The following ZSCAN20 variants were observed in gnomAD, a reference collection of about 807,000 sequenced individuals.
The protein encoded by ZSCAN20 is zinc finger and SCAN domain-containing protein 20.
Under a neutral mutation model 97.1 loss-of-function variants are expected in ZSCAN20, and 39 were observed. That is an observed-to-expected ratio of 0.40 (90% CI 0.31 to 0.52). The LOEUF (loss-of-function observed/expected upper bound fraction) is 0.52. ZSCAN20 is among the 20% of genes least tolerant of loss of function. The pLI is 0.49. For missense variants in ZSCAN20, 1,115 were observed against 1,290.4 expected, an observed-to-expected ratio of 0.86 and a Z score of 2.08; for synonymous variants, 456 against 467.3, an observed-to-expected ratio of 0.98 and a Z score of 0.31.
Position 33,495,514 on chromosome 1 carries a change from A to G in ZSCAN20, c.*38A>G, listed in dbSNP as rs768299386. 7.6e-6 allele frequency: 11 copies of G among 1,448,146 alleles called. No individual in the cohort carries two copies. Among genetic ancestry groups the G allele is most frequent in the East Asian group, 2.3e-5 (1 of 43,398 alleles). The allele number at this position is 1,448,146 out of a possible 1,614,324, so 89.7% of individuals were successfully genotyped here. A position where few individuals can be genotyped will look rare whatever the true frequency, so the allele number is the denominator to read the frequency against. On this transcript the variant is annotated 3_prime_UTR_variant, in exon 8 of 8. Coordinates refer to ENST00000684572, the MANE Select transcript of ZSCAN20 (RefSeq NM_001377376.1). ...TCAACAACAAAGGAGGACTCAATGT[A>G]TATATCTTATATCATAAGATGTATG... is the stretch of plus-strand genomic sequence containing the variant.
At position 33,494,929 on chromosome 1, in the gene ZSCAN20, C is replaced by A. The variant is rs1652795874; in HGVS notation, c.2585C>A (p.Ser862Tyr). 6.2e-7 allele frequency: 1 copy of A among 1,614,204 alleles called. No individual in the cohort carries two copies. The highest frequency in any genetic ancestry group is 8.5e-7 in the Non-Finnish European group (1 of 1,180,050). The change falls in exon 8 of 8, where the codon TCT becomes TAT. Residue 862 changes from serine to tyrosine, a missense_variant. Transcript: ENST00000684572. ...QPQSISKDLN[S>Y]PGPHSTNSGE... Reference sequence around the variant, plus strand: ...CAAAGTATCAGTAAGGACTTGAATTCTCCTGGACCACACAGCACAAACTCA... The same window carrying A: ...CAAAGTATCAGTAAGGACTTGAATTATCCTGGACCACACAGCACAAACTCA...
chr1:33,493,716 T>C lies in ZSCAN20; in HGVS notation c.1873+101T>C. Reference sequence around the variant, plus strand: ...TTTGTCTCTTAACTAAAAGAGAGAATGGGATTGAATGGGAAAAAGTATTTC... The same window carrying C: ...TTTGTCTCTTAACTAAAAGAGAGAACGGGATTGAATGGGAAAAAGTATTTC... On this transcript the variant is annotated intron_variant, in intron 7 of 7. Coordinates refer to ENST00000684572, the MANE Select transcript of ZSCAN20 (RefSeq NM_001377376.1). The surrounding 1 kb of genome is among the most constrained non-coding windows in gnomAD (Gnocchi z 4.3). 4 of 1,231,694 alleles carry C rather than the reference T, an allele frequency of 3.2e-6. No homozygotes were observed. The highest frequency in any genetic ancestry group is 4.5e-6 in the Non-Finnish European group (4 of 894,480). The allele number at this position is 1,231,694 out of a possible 1,614,324, so 76.3% of individuals were successfully genotyped here. A position where few individuals can be genotyped will look rare whatever the true frequency, so the allele number is the denominator to read the frequency against.
rs888646962 is a variant in ZSCAN20 at position 33,497,857 on chromosome 1, GC to G, written c.*2382del. ...GAGGAGAGGCTGATAGAGCAGGAGG[GC>G]AGAAGATGAGAAGTTTAGTTTGGTA... On this transcript the variant is annotated 3_prime_UTR_variant, in exon 8 of 8. Transcript: ENST00000684572. 2.6e-5 allele frequency among the ~76,000 whole-genome samples: 4 copies of G among 152,282 alleles called. No homozygotes were observed. The East Asian group carries it at 7.7e-4, about 29-fold the overall frequency.
chr1:33,494,152 C>A (rs1409203049), intron 7 of ZSCAN20, 66 bp from the exon 8 acceptor site: 1 of 1,421,734 alleles, frequency 7.0e-7, no homozygotes, highest in Non-Finnish European at 9.5e-7. Context: ...AATACAGACA[C>A]ACACAAACAC....
At chr1:33,488,728 G>A in intron 3 of ZSCAN20, 77 bp downstream of exon 3, 2 of 1,484,688 alleles carry the variant, frequency 1.3e-6, no homozygotes, top group Non-Finnish European at 1.8e-6. Context: ...GGGTGCATGG[G>A]GAAGAAGGAT....
At position 33,489,232 on chromosome 1, in the gene ZSCAN20, C is replaced by T. The variant is rs768352493; in HGVS notation, c.681+41C>T. 18 of 1,589,646 alleles carry T rather than the reference C, an allele frequency of 1.1e-5. No homozygotes were observed. In the African/African-American group the frequency reaches 1.2e-4, roughly 11 times the overall value. ...TTCTTCCTTTCCTGTCATTGCTGCT[C>T]CTGTGCTCTTGCCCCCACAGTGTTC... On this transcript the variant is annotated intron_variant, in intron 4 of 7. Transcript: ENST00000684572.
At chr1:33,481,156 G>C (rs1652143544) in intron 2 of ZSCAN20, among the ~76,000 whole-genome samples, 1 of 152,126 alleles carries the variant, frequency 6.6e-6, no homozygotes, top group Non-Finnish European at 1.5e-5. Flanking sequence ...CTAAGTATGA[G>C]AGAGTGTGCC....
rs1652762281 is a variant in ZSCAN20, at chr1:33,494,473, A to G, written c.2129A>G (p.Tyr710Cys). 1.9e-6 allele frequency: 3 copies of G among 1,614,222 alleles called. No homozygotes were observed. Among genetic ancestry groups the G allele is most frequent in the Non-Finnish European group, 2.5e-6 (3 of 1,180,026 alleles). The change falls in exon 8 of 8, where the codon TAC becomes TGC. Residue 710 changes from tyrosine to cysteine, a missense_variant. By Grantham distance (194) the Tyr-to-Cys change is radical (BLOSUM62 -2). This residue lies in a region of ZSCAN20 where 554 missense variants were observed against 584.9 expected (regional missense o/e 0.95). Coordinates refer to ENST00000684572, the MANE Select transcript of ZSCAN20 (RefSeq NM_001377376.1). Reference protein sequence around the residue: ...HQGLYLAEKPYKCDTCMKSFS... With the variant: ...HQGLYLAEKPCKCDTCMKSFS... ...GGCCTGTACCTTGCAGAGAAACCCT[A>G]CAAGTGTGACACATGCATGAAGAGC... is the stretch of plus-strand genomic sequence containing the variant.
chr1:33,490,981 C>A, intron 5 of ZSCAN20, 44 bp from the exon 6 acceptor site: 1 of 1,520,616 alleles, frequency 6.6e-7, no homozygotes, highest in Non-Finnish European at 8.8e-7. Context: ...AAACATGCCG[C>A]TCAACAGACC....
rs771917508 is a variant in ZSCAN20 at position 33,479,414 on chromosome 1, C to G, written c.126C>G (p.Gly42=). The G allele has an allele frequency of 6.2e-7, 1 of 1,614,256 alleles. No individual in the cohort carries two copies. Among genetic ancestry groups the G allele is most frequent in the African/African-American group, 1.3e-5 (1 of 75,078 alleles). Residue 42 remains glycine (G), a synonymous_variant, in exon 2 of 8, where the codon GGC becomes GGG. Transcript: ENST00000684572. ...SESKLWEKDR[G]SVSGPEASRQ... is the part of the protein sequence containing the mutation. ...CCAAACTCTGGGAGAAGGACCGTGG[C>G]TCTGTCTCTGGCCCAGAGGCCTCCC... is the stretch of plus-strand genomic sequence containing the variant.
At chr1:33,486,580 T>G (rs1652375238) in intron 2 of ZSCAN20, among the ~76,000 whole-genome samples, 1 of 152,252 alleles carries the variant, frequency 6.6e-6, no homozygotes, top group Non-Finnish European at 1.5e-5. Context: ...TCTGACCTAC[T>G]AATTTTTTGT....
chr1:33,475,914 T>C (rs1411007509), intron 1 of ZSCAN20, among the ~76,000 whole-genome samples: 1 of 151,846 alleles, frequency 6.6e-6, no homozygotes, highest in East Asian at 1.9e-4. Context: ...GTGATCTCCC[T>C]GCCTCGGCCT....
Position 33,499,240 on chromosome 1 carries a change from G to A in ZSCAN20, c.*3764G>A, listed in dbSNP as rs1280291149. ...GAAGGCAGTGATGTCTGGAGTGGGT[G>A]TGGGTGTTGCAGGTGAACTTGCCTC... On this transcript the variant is annotated 3_prime_UTR_variant, in exon 8 of 8. Coordinates refer to ENST00000684572, the MANE Select transcript of ZSCAN20 (RefSeq NM_001377376.1). 6.6e-6 allele frequency among the ~76,000 whole-genome samples: 1 copy of A among 152,226 alleles called. No homozygotes were observed. The highest frequency in any genetic ancestry group is 2.4e-5 in the African/African-American group (1 of 41,452).
At chr1:33,490,092 C>G (rs1652539563) in intron 5 of ZSCAN20, among the ~76,000 whole-genome samples, 1 of 152,170 alleles carries the variant, frequency 6.6e-6, no homozygotes, top group Non-Finnish European at 1.5e-5. Context: ...GGAGCCGTTT[C>G]CCTGTGGAGC....
chr1:33,483,644 C>T (rs1320705698), intron 2 of ZSCAN20, among the ~76,000 whole-genome samples: 1 of 149,484 alleles, frequency 6.7e-6, no homozygotes, highest in African/African-American at 2.5e-5. Context: ...TTGAGAACAG[C>T]CTAGGTAACA....
rs770005511 is a variant in ZSCAN20, at chr1:33,491,191, A to G, written c.933A>G (p.Gln311=). The G allele has an allele frequency of 8.1e-6, 13 of 1,614,186 alleles. No homozygotes were observed. In the South Asian group the frequency reaches 1.3e-4, roughly 16 times the overall value. The change falls in exon 6 of 8, where the codon CAA becomes CAG. Residue 311 remains glutamine (Q), a synonymous_variant. Coordinates refer to ENST00000684572, the MANE Select transcript of ZSCAN20 (RefSeq NM_001377376.1). This position sits in a 1 kb window ranked among gnomAD's most constrained non-coding sequence, Gnocchi z 4.3. ...TWRDSRAWEE[Q]YQWDVEDMKV... ...GGGATTCAAGAGCCTGGGAGGAACA[A>G]TACCAGTGGGATGTGGAGGACATGA... is the stretch of plus-strand genomic sequence containing the variant.
intron 1 of ZSCAN20, among the ~76,000 whole-genome samples, chr1:33,478,115 C>T (rs1333588648): frequency 6.6e-6 from 1 of 152,062 alleles, no homozygotes; most frequent in Non-Finnish European, 1.5e-5. Flanking sequence ...AAGGCTTGTG[C>T]TTTGTCCTGA....
intron 1 of ZSCAN20, among the ~76,000 whole-genome samples, chr1:33,474,455 C>T (rs996109758): frequency 3.3e-5 from 5 of 152,188 alleles, no homozygotes; most frequent in Admixed American, 6.5e-5. Flanking sequence ...CTCATGACCA[C>T]GTTCATACTT....
chr1:33,482,425 C>T (rs1160843045), intron 2 of ZSCAN20, among the ~76,000 whole-genome samples: 11 of 152,178 alleles, frequency 7.2e-5, no homozygotes, highest in African/African-American at 2.7e-4. Flanking sequence ...TAATGCTTAA[C>T]AATATTCCGT....
Sources: gnomAD v4.1 joint callset for allele counts (sites outside exome capture counted in the v4.1 genomes callset) on GRCh38, gnomAD v4.1.1 for gene constraint, gnomAD v4.1.1 regional missense constraint, Gnocchi (gnomAD v3.1) non-coding constraint, MANE v1.5 for transcripts, NCBI Gene and HGNC (gene_info 2026-07-23, HGNC 2026-07-21) for gene names.